The following DPP6 variants were observed in gnomAD, a reference collection of about 807,000 sequenced individuals.
DPP6 encodes A-type potassium channel modulatory protein DPP6.
Under a neutral mutation model 122.6 loss-of-function variants are expected in DPP6, and 69 were observed. The ratio of observed to expected loss-of-function variants is 0.56; its 90% confidence interval spans 0.46 to 0.69. The LOEUF (loss-of-function observed/expected upper bound fraction) is 0.69, where lower values mean the gene tolerates loss of function less well. DPP6 is among the 30% of genes least tolerant of loss of function. The pLI, the probability that DPP6 is intolerant of heterozygous loss-of-function variation, is 0.00. For missense variants in DPP6, 928 were observed against 1,116.9 expected (o/e 0.83, Z 2.41); for synonymous variants, 418 against 433.1 (o/e 0.97, Z 0.43).
chr7:154,333,999 T>G (rs1165668897), intron 1 of DPP6, among the ~76,000 whole-genome samples: 5 of 152,218 alleles, frequency 3.3e-5, no homozygotes, highest in African/African-American at 4.8e-5. Context: ...GAATTATTTT[T>G]ATAACTTAAT....
chr7:154,507,127 T>C (rs1301249226), intron 3 of DPP6, among the ~76,000 whole-genome samples: 1 of 152,190 alleles, frequency 6.6e-6, no homozygotes, highest in African/African-American at 2.4e-5. Context: ...AGCAACTGTA[T>C]GCCCTTCATA....
chr7:154,601,649 C>CT lies in DPP6; in HGVS notation c.627+34742dup, dbSNP rs920188885. 1.4e-4 allele frequency among the ~76,000 whole-genome samples: 16 copies of CT among 118,204 alleles called. 4 individuals carry two copies. The highest frequency in any genetic ancestry group is 8.6e-4 in the Admixed American group (9 of 10,454). The allele number at this position is 118,204 out of a possible 152,430, so 77.5% of individuals were successfully genotyped here. ...ATAAATAACATGTAGTTAGGTCTTGCTTTTTTTTTCTTTCAGTGAGACAAT... is the reference window on the plus strand; with the variant it reads ...ATAAATAACATGTAGTTAGGTCTTGCTTTTTTTTTTCTTTCAGTGAGACAAT... On this transcript the variant is annotated intron_variant, in intron 5 of 25. Coordinates refer to ENST00000377770, the MANE Select transcript of DPP6 (RefSeq NM_130797.4).
chr7:154,458,971 T>A (rs188068652), intron 2 of DPP6, among the ~76,000 whole-genome samples: 26 of 152,314 alleles, frequency 1.7e-4, no homozygotes, highest in Admixed American at 1.5e-3. Flanking sequence ...TGTATTTTGA[T>A]GTTTTTCAAA....
chr7:154,317,764 A>G lies in DPP6; in HGVS notation c.244-128450A>G, dbSNP rs180732860. Among the ~76,000 whole-genome samples, 134 of 152,326 alleles carry G rather than the reference A, an allele frequency of 8.8e-4. 1 individual carries two copies. The highest frequency in any genetic ancestry group is 1.4e-3 in the Non-Finnish European group (95 of 68,026). ...TCTCTGCTGAAAATTTCAGGTTTAT[A>G]TAATTGTTTTGGCTTGGCTTGAAAC... On this transcript the variant is annotated intron_variant, in intron 1 of 25. Coordinates refer to ENST00000377770, the MANE Select transcript of DPP6 (RefSeq NM_130797.4).
intron 3 of DPP6, among the ~76,000 whole-genome samples, chr7:154,503,645 C>G (rs1284382533): frequency 6.6e-6 from 1 of 151,132 alleles, no homozygotes; most frequent in African/African-American, 2.4e-5. Flanking sequence ...TTTCAAGAAA[C>G]CTGTGACCCT....
At position 153,920,562 on chromosome 7, in the gene DPP6, TC is replaced by T. The variant is rs1489913600; in HGVS notation, c.51+32829del. 2.5e-4 allele frequency among the ~76,000 whole-genome samples: 15 copies of T among 59,990 alleles called. 1 individual carries two copies. In the South Asian group the frequency reaches 3.5e-3, roughly 14 times the overall value. 39.4% of individuals were successfully genotyped at this position (59,990 alleles called of 152,430 possible). A position where few individuals can be genotyped will look rare whatever the true frequency, so the allele number is the denominator to read the frequency against. ...AGTCAACCTTTTTCTTTTATCTCTC[TC>T]TTTTTTTTTTTTTTTTTGAGATGGA... is the stretch of plus-strand genomic sequence containing the variant. On this transcript the variant is annotated intron_variant, in intron 1 of 25. Coordinates refer to the DPP6 transcript ENST00000404039.
chr7:153,980,739 A>G (rs1796541070), intron 1 of DPP6, among the ~76,000 whole-genome samples: 1 of 152,200 alleles, frequency 6.6e-6, no homozygotes, highest in African/African-American at 2.4e-5. Flanking sequence ...GGATTCTGGT[A>G]CATTGTGCCT....
chr7:154,658,060 A>G (rs1837386477), intron 6 of DPP6, among the ~76,000 whole-genome samples: 1 of 152,214 alleles, frequency 6.6e-6, no homozygotes, highest in African/African-American at 2.4e-5. Context: ...CCGAGCACAC[A>G]GAGGTTTGGA....
chr7:154,540,437 A>G, intron 3 of DPP6, 95 bp from the exon 4 acceptor site: 1 of 774,658 alleles, frequency 1.3e-6, no homozygotes, highest in Non-Finnish European at 2.2e-6. Context: ...TCTTTTTTTC[A>G]GAACTAGTGA....
intron 1 of DPP6, among the ~76,000 whole-genome samples, chr7:154,353,607 T>C (rs1347624873): frequency 2.0e-5 from 3 of 152,142 alleles, no homozygotes; most frequent in African/African-American, 7.2e-5. Context: ...CCAGGGTCTT[T>C]AATGTAAAAG....
rs372405674 is a variant in DPP6 at position 154,495,660 on chromosome 7, G to A, written c.457+20623G>A. On this transcript the variant is annotated intron_variant, in intron 3 of 25. Coordinates refer to ENST00000377770, the MANE Select transcript of DPP6 (RefSeq NM_130797.4). ...CCACCTTGATCTCCCAAAGTGCTGG[G>A]ATTACAGGTGTGAGCCACTGCGGCC... Among the ~76,000 whole-genome samples, 74 of 152,274 alleles carry A rather than the reference G, an allele frequency of 4.9e-4. 1 individual carries two copies. The highest frequency in any genetic ancestry group is 1.7e-3 in the African/African-American group (69 of 41,546).
At chr7:153,952,077 G>A (rs1162940810) in intron 1 of DPP6, among the ~76,000 whole-genome samples, 1 of 152,104 alleles carries the variant, frequency 6.6e-6, no homozygotes, top group Non-Finnish European at 1.5e-5. Context: ...ACTACTGAAT[G>A]AATCTCATTA....
Position 154,305,443 on chromosome 7 carries a change from A to G in DPP6, c.244-140771A>G. Reference sequence around the variant, plus strand: ...ACCGCTTGGACTCTGGTGGCTCCCAACTCGCCGTCAGACCCCACCTGCCCC... The same window carrying G: ...ACCGCTTGGACTCTGGTGGCTCCCAGCTCGCCGTCAGACCCCACCTGCCCC... On this transcript the variant is annotated intron_variant, in intron 1 of 25. Transcript: ENST00000377770. The G allele has an allele frequency of 5.3e-6, 8 of 1,510,730 alleles. No individual in the cohort carries two copies. In the Admixed American group the frequency reaches 1.2e-4, roughly 23 times the overall value. 93.6% of individuals were successfully genotyped at this position (1,510,730 alleles called of 1,614,324 possible).
At chr7:154,701,276 A>C (rs1043709391) in intron 7 of DPP6, among the ~76,000 whole-genome samples, 13 of 151,992 alleles carry the variant, frequency 8.6e-5, no homozygotes, top group Non-Finnish European at 1.6e-4. Flanking sequence ...GCCTCTCATC[A>C]ACAGCCCCCT....
intron 1 of DPP6, among the ~76,000 whole-genome samples, chr7:153,930,415 T>G (rs1426908149): frequency 6.6e-6 from 1 of 152,206 alleles, no homozygotes; most frequent in Non-Finnish European, 1.5e-5. Flanking sequence ...CAGCATCCTC[T>G]GATGTTCTCA....
At chr7:154,178,364 C>CTT (rs1164618497) in intron 1 of DPP6, among the ~76,000 whole-genome samples, 1 of 144,762 alleles carries the variant, frequency 6.9e-6, no homozygotes, top group Non-Finnish European at 1.5e-5. Context: ...TGCTGACCAT[C>CTT]TTTTTTTTTT....
intron 1 of DPP6, among the ~76,000 whole-genome samples, chr7:153,955,824 G>A (rs546787648): frequency 6.6e-6 from 1 of 152,214 alleles, no homozygotes; most frequent in Non-Finnish European, 1.5e-5. Flanking sequence ...GGGAGAGCAG[G>A]GATTTGAACT....
At chr7:153,891,724 T>C (rs982175295) in intron 1 of DPP6, among the ~76,000 whole-genome samples, 1 of 152,144 alleles carries the variant, frequency 6.6e-6, no homozygotes, top group Admixed American at 6.5e-5. Context: ...CTTAATGAAG[T>C]TGGAGTAAAG....
chr7:154,382,973 C>T (rs551858756), intron 1 of DPP6, among the ~76,000 whole-genome samples: 9 of 152,286 alleles, frequency 5.9e-5, no homozygotes, highest in South Asian at 4.1e-4. Flanking sequence ...GTAGTCCGCC[C>T]GCCTTGGCCT....
Sources: allele counts gnomAD v4.1 joint callset (sites outside exome capture counted in the v4.1 genomes callset), GRCh38; gene constraint gnomAD v4.1.1; transcripts MANE v1.5; gene names NCBI Gene and HGNC (gene_info 2026-07-23, HGNC 2026-07-21).